PHF24: variants seen among roughly 807,000 people sequenced by gnomAD.
PHF24 encodes Galpha inhibitory interacting protein.
Under a neutral mutation model 42.6 loss-of-function variants are expected in PHF24, and 25 were observed. That is an observed-to-expected ratio of 0.59 (90% CI 0.43 to 0.82). The LOEUF is 0.82. Among genes scored for constraint, PHF24 ranks in the 40% least tolerant of loss-of-function variants. The probability of loss-of-function intolerance (pLI) is 0.00; values close to 1 mark genes in which losing one functional copy is unlikely to be tolerated. For synonymous variants in PHF24, 185 were observed against 204.8 expected (o/e 0.90, Z 0.83); for missense variants, 470 against 538.1 (o/e 0.87, Z 1.25).
At chr9:34,874,428 C>T in the PHF24 span, among the ~76,000 whole-genome samples, 1 of 152,188 alleles carries the variant, frequency 6.6e-6, no homozygotes, top group African/African-American at 2.4e-5. Flanking sequence ...TTTCAATCCA[C>T]TCGTTTCTCA....
At chr9:34,790,700 ACT>A in the PHF24 span, among the ~76,000 whole-genome samples, 1 of 152,210 alleles carries the variant, frequency 6.6e-6, no homozygotes, top group Non-Finnish European at 1.5e-5. Flanking sequence ...AATATGTCAG[ACT>A]CTGATAAAAA....
chr9:34,963,999 A>C (rs909555634), intron 1 of PHF24, among the ~76,000 whole-genome samples: 1 of 152,232 alleles, frequency 6.6e-6, no homozygotes, highest in Admixed American at 6.5e-5. Context: ...TAAAACCCTT[A>C]ATGCTTAATG....
At chr9:34,860,074 C>T in the PHF24 span, among the ~76,000 whole-genome samples, 1 of 152,248 alleles carries the variant, frequency 6.6e-6, no homozygotes, top group Non-Finnish European at 1.5e-5. Flanking sequence ...ACTTGCACCT[C>T]CATCTTCTCA....
the PHF24 span, among the ~76,000 whole-genome samples, chr9:34,824,834 G>C: frequency 5.9e-5 from 9 of 152,196 alleles, no homozygotes; most frequent in African/African-American, 2.2e-4. Flanking sequence ...GCATTAAGCT[G>C]CTGGGGAGAG....
the PHF24 span, among the ~76,000 whole-genome samples, chr9:34,872,521 A>G: frequency 6.6e-6 from 1 of 151,028 alleles, no homozygotes; most frequent in Non-Finnish European, 1.5e-5. Flanking sequence ...CCATGTCCCT[A>G]CAAAGGACAT....
the PHF24 span, among the ~76,000 whole-genome samples, chr9:34,694,159 CTTTTTTTTT>C: frequency 0.032 from 2,140 of 66,288 alleles, 64 homozygotes; most frequent in African/African-American, 0.12. Context: ...TATCTCTATT[CTTTTTTTTT>C]TTTTTTTTTT....
chr9:34,674,578 C>A, the PHF24 span, among the ~76,000 whole-genome samples: 1 of 152,242 alleles, frequency 6.6e-6, no homozygotes, highest in African/African-American at 2.4e-5. Flanking sequence ...ACTCTATTTA[C>A]AGAAACAGGT....
At chr9:34,973,810 CT>C (rs200194001) in intron 3 of PHF24, among the ~76,000 whole-genome samples, 1,805 of 152,274 alleles carry the variant, frequency 0.012, 19 homozygotes, top group Non-Finnish European at 0.02. Flanking sequence ...GGCCACTCTG[CT>C]TTGCGGTGTG....
chr9:34,917,966 G>A, the PHF24 span: 1 of 1,477,074 alleles, frequency 6.8e-7, no homozygotes, highest in South Asian at 1.1e-5. Context: ...TGTGGGAGGA[G>A]AATGGTCTGA....
the PHF24 span, among the ~76,000 whole-genome samples, chr9:34,903,209 A>G: frequency 2.6e-5 from 4 of 152,370 alleles, no homozygotes; most frequent in Middle Eastern, 6.8e-3. Context: ...TCAAGTTAAG[A>G]GGATATAAAT....
At chr9:34,977,783 C>T in intron 7 of PHF24, 142 bp downstream of exon 7, 1 of 802,806 alleles carries the variant, frequency 1.2e-6, no homozygotes, top group Non-Finnish European at 2.0e-6. Flanking sequence ...CACATTTGAC[C>T]CAAGTCTATA....
chr9:34,970,133 C>T (rs2132894317), intron 1 of PHF24, among the ~76,000 whole-genome samples: 1 of 152,306 alleles, frequency 6.6e-6, no homozygotes, highest in African/African-American at 2.4e-5. Flanking sequence ...AAAATGGACT[C>T]TGCTCCACTT....
At chr9:34,922,388 A>C in the PHF24 span, 40 of 1,436,384 alleles carry the variant, frequency 2.8e-5, no homozygotes, top group Admixed American at 3.7e-4. Context: ...GAACGTCATA[A>C]TAGAACACGG....
At chr9:34,848,969 T>C in the PHF24 span, among the ~76,000 whole-genome samples, 1 of 152,168 alleles carries the variant, frequency 6.6e-6, no homozygotes, top group Non-Finnish European at 1.5e-5. Context: ...TGAGAGACAG[T>C]TTGTTATAAT....
the PHF24 span, among the ~76,000 whole-genome samples, chr9:34,669,549 A>C: frequency 6.6e-6 from 1 of 150,824 alleles, no homozygotes; most frequent in Non-Finnish European, 1.5e-5. Context: ...ACTGTGTGTG[A>C]GGTTGGATGG....
At position 34,980,647 on chromosome 9, in the gene PHF24, T is replaced by C. The variant is rs535184045; in HGVS notation, c.*2536T>C. On this transcript the variant is annotated 3_prime_UTR_variant, in exon 8 of 8. Coordinates refer to ENST00000242315, the Ensembl canonical transcript of PHF24. ...CCCCAGAGCCCCTCTGCGGTATGTA[T>C]AGAGTTGTTAAAAACGTTCAGAAAC... 5 of 152,382 alleles carry C rather than the reference T, an allele frequency of 3.3e-5. No homozygotes were observed. The East Asian group carries it at 9.6e-4, about 29-fold the overall frequency. The allele number at this position is 152,382 out of a possible 1,614,324, so 9.4% of individuals were successfully genotyped here.
chr9:34,796,419 A>AT, the PHF24 span, among the ~76,000 whole-genome samples: 14,776 of 118,270 alleles, frequency 0.12, 815 homozygotes, highest in South Asian at 0.2. Context: ...TTGTTAAAAA[A>AT]TTTAAAAAAA....
chr9:34,972,319 C>T, intron 2 of PHF24, 27 bp from the exon 3 acceptor site: 4 of 1,579,958 alleles, frequency 2.5e-6, no homozygotes, highest in Non-Finnish European at 3.5e-6. Context: ...TTACACATCC[C>T]TGTTTCCTCC....
the PHF24 span, chr9:34,917,815 T>A: frequency 1.4e-6 from 2 of 1,399,648 alleles, no homozygotes; most frequent in Non-Finnish European, 1.0e-6. Context: ...GGAATCAGCA[T>A]GGGAGATCAT....
Sources: gnomAD v4.1 joint callset for allele counts (sites outside exome capture counted in the v4.1 genomes callset) on GRCh38, gnomAD v4.1.1 for gene constraint, MANE v1.5 for transcripts, NCBI Gene and HGNC (gene_info 2026-07-23, HGNC 2026-07-21) for gene names.